The following CAMKMT variants were observed in gnomAD, a reference collection of about 807,000 sequenced individuals.
CAMKMT encodes calmodulin-lysine N-methyltransferase.
CAMKMT carries 53 observed loss-of-function variants against 48.0 expected under a neutral mutation model. The ratio of observed to expected loss-of-function variants is 1.10; its 90% CI spans 0.89 to 1.39. The LOEUF is 1.39. Ranked by LOEUF, CAMKMT falls within the 40% of genes most tolerant of loss-of-function variation. CAMKMT has a pLI of 0.00. For synonymous variants in CAMKMT, 165 were observed against 152.3 expected, an observed-to-expected ratio of 1.08 and a Z score of -0.61; for missense variants, 428 against 402.7, an observed-to-expected ratio of 1.06 and a Z score of -0.54.
At chr2:44,408,422 G>T (rs1485275586) in intron 3 of CAMKMT, among the ~76,000 whole-genome samples, 2 of 152,200 alleles carry the variant, frequency 1.3e-5, no homozygotes, top group East Asian at 3.9e-4. Flanking sequence ...CTAGTTTATA[G>T]AAAGGTTTCT....
intron 3 of CAMKMT, among the ~76,000 whole-genome samples, chr2:44,527,749 A>G (rs1666230839): frequency 3.4e-5 from 5 of 149,200 alleles, no homozygotes; most frequent in Non-Finnish European, 7.4e-5. Context: ...CAAAGTACAG[A>G]GCATCCTCAT....
In CAMKMT at chr2:44,542,548, CTCTCTCTCTT is replaced by C. The variant is rs1276879261; in HGVS notation, c.376+152252_376+152261del. ...ACACACACACACACACTCTCTCTCT[CTCTCTCTCTT>C]TCTCTCTCCATATATGTATATATTT... On this transcript the variant is annotated intron_variant, in intron 3 of 10. Coordinates refer to ENST00000378494, the MANE Select transcript of CAMKMT (RefSeq NM_024766.5). 1.4e-3 allele frequency among the ~76,000 whole-genome samples: 215 copies of C among 150,638 alleles called. 3 individuals carry two copies. In the South Asian group the frequency reaches 0.021, roughly 15 times the overall value.
At chr2:44,527,030 C>T (rs1254321271) in intron 3 of CAMKMT, among the ~76,000 whole-genome samples, 1 of 150,740 alleles carries the variant, frequency 6.6e-6, no homozygotes, top group Non-Finnish European at 1.5e-5. Flanking sequence ...AACCCTATAC[C>T]CATTAGCAGT....
At position 44,458,991 on chromosome 2, in the gene CAMKMT, G is replaced by C. The variant is rs111496054; in HGVS notation, c.376+68686G>C. 1.7e-3 allele frequency among the ~76,000 whole-genome samples: 263 copies of C among 152,116 alleles called. No homozygotes were observed. The Middle Eastern group carries it at 0.027, about 16-fold the overall frequency. On this transcript the variant is annotated intron_variant, in intron 3 of 10. Coordinates refer to ENST00000378494, the MANE Select transcript of CAMKMT (RefSeq NM_024766.5). ...AAAATATCACATTCTGAAGTTTTAAGTGACAGATAAACAAATTCAACATGC... is the reference window on the plus strand; with the variant it reads ...AAAATATCACATTCTGAAGTTTTAACTGACAGATAAACAAATTCAACATGC...
At chr2:44,463,122 T>C (rs1294772483) in intron 3 of CAMKMT, among the ~76,000 whole-genome samples, 1 of 152,246 alleles carries the variant, frequency 6.6e-6, no homozygotes, top group East Asian at 1.9e-4. Flanking sequence ...ATCAATGCCA[T>C]GGATACCTAT....
At chr2:44,461,182 T>C (rs1417980090) in intron 3 of CAMKMT, among the ~76,000 whole-genome samples, 5 of 152,030 alleles carry the variant, frequency 3.3e-5, no homozygotes, top group African/African-American at 7.2e-5. Flanking sequence ...ATAAATAAAT[T>C]TGTGTTGAAG....
chr2:44,593,633 G>C (rs1165236198), intron 3 of CAMKMT, among the ~76,000 whole-genome samples: 3 of 152,034 alleles, frequency 2.0e-5, no homozygotes, highest in African/African-American at 4.8e-5. Flanking sequence ...CCACTGTCTT[G>C]AATACCATAG....
intron 3 of CAMKMT, among the ~76,000 whole-genome samples, chr2:44,454,760 A>G (rs1401329004): frequency 6.6e-6 from 1 of 152,162 alleles, no homozygotes; most frequent in Non-Finnish European, 1.5e-5. Flanking sequence ...AGAGGCTTTC[A>G]TGTTAGGTCA....
chr2:44,575,874 T>C (rs1395396536), intron 3 of CAMKMT, among the ~76,000 whole-genome samples: 1 of 151,834 alleles, frequency 6.6e-6, no homozygotes, highest in African/African-American at 2.4e-5. Flanking sequence ...TTTAAAAAAT[T>C]GTTAAGTGCT....
At chr2:44,408,726 C>G (rs980205407) in intron 3 of CAMKMT, among the ~76,000 whole-genome samples, 2 of 151,522 alleles carry the variant, frequency 1.3e-5, no homozygotes, top group East Asian at 3.9e-4. Context: ...CAAGAAGCTC[C>G]TATGTTAAAT....
chr2:44,639,055 T>C (rs969826769), intron 3 of CAMKMT, among the ~76,000 whole-genome samples: 2 of 152,224 alleles, frequency 1.3e-5, no homozygotes, highest in Non-Finnish European at 2.9e-5. Context: ...CTTTGGCTTT[T>C]TGACATGGAG....
At chr2:44,379,720 C>G (rs1558555412) in intron 2 of CAMKMT, among the ~76,000 whole-genome samples, 6 of 146,534 alleles carry the variant, frequency 4.1e-5, no homozygotes, top group Admixed American at 2.0e-4. Flanking sequence ...TATTTTTTTT[C>G]TTTTTTTTGA....
chr2:44,584,542 A>G (rs556095473), intron 3 of CAMKMT, among the ~76,000 whole-genome samples: 3 of 152,254 alleles, frequency 2.0e-5, no homozygotes, highest in Non-Finnish European at 4.4e-5. Flanking sequence ...CAGGTAAAAC[A>G]CTAAAATTAA....
At chr2:44,677,670 T>C (rs1008078228) in intron 3 of CAMKMT, among the ~76,000 whole-genome samples, 2 of 151,644 alleles carry the variant, frequency 1.3e-5, no homozygotes, top group African/African-American at 4.9e-5. Context: ...ATGGCACCAC[T>C]GCACTCCAGA....
chr2:44,701,320 A>G (rs1677247529), intron 3 of CAMKMT, among the ~76,000 whole-genome samples: 1 of 152,292 alleles, frequency 6.6e-6, no homozygotes, highest in Non-Finnish European at 1.5e-5. Flanking sequence ...ATTTGATTGT[A>G]GCCATCCTAG....
At chr2:44,426,816 A>G (rs1016198008) in intron 3 of CAMKMT, among the ~76,000 whole-genome samples, 2 of 152,212 alleles carry the variant, frequency 1.3e-5, no homozygotes, top group Non-Finnish European at 2.9e-5. Flanking sequence ...AGTATTAGAA[A>G]AACTATCTAA....
chr2:44,396,074 G>A (rs1681810523), intron 3 of CAMKMT, among the ~76,000 whole-genome samples: 1 of 151,936 alleles, frequency 6.6e-6, no homozygotes, highest in African/African-American at 2.4e-5. Flanking sequence ...TAGGAATTTA[G>A]GAAACTAATA....
intron 3 of CAMKMT, among the ~76,000 whole-genome samples, chr2:44,487,105 T>C (rs961033127): frequency 6.6e-6 from 1 of 152,170 alleles, no homozygotes. Context: ...TACGATAAAC[T>C]AAAACTTGAG....
intron 3 of CAMKMT, among the ~76,000 whole-genome samples, chr2:44,439,777 C>G (rs1666524641): frequency 1.3e-5 from 2 of 149,314 alleles, no homozygotes; most frequent in South Asian, 2.1e-4. Context: ...GAGCAAGACT[C>G]CATCTCATAA....
Sources: gnomAD v4.1 joint callset for allele counts (sites outside exome capture counted in the v4.1 genomes callset) on GRCh38, gnomAD v4.1.1 for gene constraint, MANE v1.5 for transcripts, NCBI Gene and HGNC (gene_info 2026-07-23, HGNC 2026-07-21) for gene names.